Variants in SGCZ observed in about 807,000 individuals in gnomAD.
SGCZ encodes the protein zeta-sarcoglycan.
In SGCZ, 40 loss-of-function variants were observed where a neutral mutation model predicts 41.3. The observed-to-expected ratio is 0.97, with a 90% confidence interval of 0.75 to 1.26. The LOEUF is 1.26. Ranked by LOEUF, SGCZ falls within the 50% of genes most tolerant of loss-of-function variation. The pLI is 0.00. For missense variants in SGCZ, 552 were observed against 369.8 expected (o/e 1.49, Z -4.04); for synonymous variants, 206 against 137.5 (o/e 1.50, Z -3.49).
At chr8:15,044,202 C>T (rs1804216520) in intron 1 of SGCZ, among the ~76,000 whole-genome samples, 1 of 152,064 alleles carries the variant, frequency 6.6e-6, no homozygotes, top group Non-Finnish European at 1.5e-5. Flanking sequence ...GTATCATAGG[C>T]TACAAAACCT....
chr8:15,226,003 G>A (rs537243300), intron 1 of SGCZ, among the ~76,000 whole-genome samples: 3 of 152,216 alleles, frequency 2.0e-5, no homozygotes, highest in South Asian at 2.1e-4. Flanking sequence ...ACAGCTAAAC[G>A]CAGCTATGAT....
chr8:15,117,634 G>A (rs1454583), intron 1 of SGCZ, among the ~76,000 whole-genome samples: 23,921 of 152,048 alleles, frequency 0.16, 2,171 homozygotes, highest in Non-Finnish European at 0.21. Context: ...GTGGTTGTGA[G>A]GATCTTGGAA....
intron 3 of SGCZ, among the ~76,000 whole-genome samples, chr8:14,287,625 A>G (rs1162799988): frequency 6.6e-6 from 1 of 151,796 alleles, no homozygotes; most frequent in African/African-American, 2.4e-5. Flanking sequence ...TGAGATAAGA[A>G]CTCTTTGACA....
intron 1 of SGCZ, among the ~76,000 whole-genome samples, chr8:14,586,276 C>T (rs113817277): frequency 3.3e-5 from 5 of 152,006 alleles, no homozygotes; most frequent in African/African-American, 7.2e-5. Flanking sequence ...TGTAGTGGCC[C>T]GATCTCTGTT....
chr8:14,115,602 A>G (rs904799232), intron 5 of SGCZ, among the ~76,000 whole-genome samples: 1 of 152,192 alleles, frequency 6.6e-6, no homozygotes, highest in East Asian at 1.9e-4. Context: ...CCTAAAATAC[A>G]GATATGATAG....
intron 3 of SGCZ, chr8:14,309,581 A>G: frequency 1.2e-6 from 2 of 1,610,916 alleles, no homozygotes; most frequent in South Asian, 2.2e-5. Flanking sequence ...AGGAAAGGTT[A>G]GGACTTCATC....
intron 1 of SGCZ, among the ~76,000 whole-genome samples, chr8:14,853,077 A>G (rs1435470012): frequency 1.3e-5 from 2 of 152,230 alleles, no homozygotes; most frequent in Non-Finnish European, 2.9e-5. Context: ...GCATGTGTGC[A>G]TTATAGCAGC....
intron 5 of SGCZ, among the ~76,000 whole-genome samples, chr8:14,159,094 A>G (rs1803965302): frequency 6.6e-6 from 1 of 152,108 alleles, no homozygotes; most frequent in South Asian, 2.1e-4. Context: ...TAATATCATG[A>G]TATATAGGAA....
chr8:14,894,771 A>C (rs924876512), intron 1 of SGCZ, among the ~76,000 whole-genome samples: 8 of 152,174 alleles, frequency 5.3e-5, no homozygotes, highest in Admixed American at 2.0e-4. Context: ...TACAAAAAAA[A>C]GTGAATAAAT....
rs1215658856 is a variant in SGCZ, at chr8:14,753,866, C to T, written c.40-198940G>A. Among the ~76,000 whole-genome samples the T allele has an allele frequency of 2.0e-5, 3 of 152,170 alleles. No individual in the cohort carries two copies. In the East Asian group the frequency reaches 5.8e-4, roughly 29 times the overall value. On this transcript the variant is annotated intron_variant, in intron 1 of 7. Coordinates refer to ENST00000382080, the MANE Select transcript of SGCZ (RefSeq NM_139167.4). The stretch of plus-strand genomic sequence containing the variant: ...GCTGCAATCATGCAATCACCTGCCC[C>T]AGTACTTGAGTTGCTGTGGTAGCAG...
intron 1 of SGCZ, among the ~76,000 whole-genome samples, chr8:14,722,731 T>G (rs1809926711): frequency 6.6e-6 from 1 of 151,818 alleles, no homozygotes; most frequent in Non-Finnish European, 1.5e-5. Flanking sequence ...ATGAGGAGAA[T>G]CAAGGAAACA....
chr8:14,887,471 C>T (rs73666915), intron 1 of SGCZ, among the ~76,000 whole-genome samples: 6,269 of 152,156 alleles, frequency 0.041, 368 homozygotes, highest in African/African-American at 0.13. Flanking sequence ...GGCCTTCATT[C>T]TGCATTAATT....
At chr8:14,676,024 G>C (rs1016048366) in intron 1 of SGCZ, among the ~76,000 whole-genome samples, 1 of 152,158 alleles carries the variant, frequency 6.6e-6, no homozygotes, top group African/African-American at 2.4e-5. Context: ...GCACGTATTT[G>C]AGAAAACTAC....
intron 1 of SGCZ, among the ~76,000 whole-genome samples, chr8:14,629,758 A>C (rs1806585418): frequency 6.6e-6 from 1 of 152,176 alleles, no homozygotes; most frequent in East Asian, 1.9e-4. Context: ...CTATGGGTTT[A>C]TGAGCGTAAC....
At chr8:14,353,799 C>T (rs915909638) in intron 2 of SGCZ, among the ~76,000 whole-genome samples, 1 of 151,938 alleles carries the variant, frequency 6.6e-6, no homozygotes, top group African/African-American at 2.4e-5. Flanking sequence ...AAATGTTCTC[C>T]TAGAGACCTA....
chr8:14,600,579 C>T (rs1034995394), intron 1 of SGCZ, among the ~76,000 whole-genome samples: 1 of 152,142 alleles, frequency 6.6e-6, no homozygotes, highest in Non-Finnish European at 1.5e-5. Context: ...CAATTCTCCA[C>T]AGGAGGATGC....
chr8:15,081,258 C>T (rs550716270), intron 1 of SGCZ, among the ~76,000 whole-genome samples: 7 of 152,118 alleles, frequency 4.6e-5, no homozygotes, highest in South Asian at 2.1e-4. Flanking sequence ...TTTGTATTTC[C>T]GCATTTACAG....
chr8:15,201,106 T>A (rs1343525121), intron 1 of SGCZ, among the ~76,000 whole-genome samples: 2 of 152,144 alleles, frequency 1.3e-5, no homozygotes, highest in Non-Finnish European at 2.9e-5. Context: ...AACCTCCGCC[T>A]CCCAGGTTCA....
intron 1 of SGCZ, among the ~76,000 whole-genome samples, chr8:15,063,241 A>G (rs893935545): frequency 6.6e-6 from 1 of 152,164 alleles, no homozygotes; most frequent in Admixed American, 6.5e-5. Flanking sequence ...GTATATTAAC[A>G]ATAAAAATTG....
Sources: allele counts gnomAD v4.1 joint callset (sites outside exome capture counted in the v4.1 genomes callset), GRCh38; gene constraint gnomAD v4.1.1; transcripts MANE v1.5; gene names NCBI Gene and HGNC (gene_info 2026-07-23, HGNC 2026-07-21).